Variants in XPO5 observed in about 807,000 individuals in gnomAD.
XPO5 encodes exportin 5.
XPO5 carries 46 observed loss-of-function variants against 160.6 expected under a neutral mutation model. The observed-to-expected ratio is 0.29, with a 90% CI of 0.23 to 0.37. The LOEUF (loss-of-function observed/expected upper bound fraction) is 0.37. Among genes scored for constraint, XPO5 ranks in the 10% least tolerant of loss-of-function variants. The pLI is 1.00. For missense variants in XPO5, 1,090 were observed against 1,463.9 expected, an observed-to-expected ratio of 0.74 and a Z score of 4.17; for synonymous variants, 537 against 519.3, an observed-to-expected ratio of 1.03 and a Z score of -0.46.
At chr6:43,561,049 A>C (rs1251218818) in intron 9 of XPO5, 42 bp from the exon 10 acceptor site, 1 of 1,500,894 alleles carries the variant, frequency 6.7e-7, no homozygotes, top group Admixed American at 1.7e-5. Flanking sequence ...TGATCGAGAA[A>C]AGCAGGAGAG....
At chr6:43,549,772 T>C (rs1795140405) in intron 16 of XPO5, 121 bp downstream of exon 16, 1 of 1,217,254 alleles carries the variant, frequency 8.2e-7, no homozygotes. Flanking sequence ...AAACAACATA[T>C]ATGATAATCT....
intron 13 of XPO5, 25 bp from the exon 14 acceptor site, chr6:43,553,528 C>G: frequency 1.4e-6 from 1 of 695,742 alleles, no homozygotes; most frequent in Non-Finnish European, 2.0e-6. Context: ...CACACACATA[C>G]ACACACACAC....
chr6:43,545,669 T>C (rs569851807), intron 20 of XPO5, among the ~76,000 whole-genome samples: 7 of 151,852 alleles, frequency 4.6e-5, no homozygotes, highest in Admixed American at 1.3e-4. Flanking sequence ...ATTGCACCAC[T>C]GCACTCCCAG....
intron 25 of XPO5, 22 bp from the exon 26 acceptor site, chr6:43,527,753 A>G (rs1793690479): frequency 1.2e-6 from 2 of 1,612,544 alleles, no homozygotes; most frequent in East Asian, 2.2e-5. Context: ...CAGGGGGCCA[A>G]GTTCCACAGG....
intron 8 of XPO5, among the ~76,000 whole-genome samples, chr6:43,563,870 A>G (rs1331020939): frequency 6.6e-6 from 1 of 152,182 alleles, no homozygotes; most frequent in Non-Finnish European, 1.5e-5. Context: ...AGCCTAGGAC[A>G]TTACTGGACC....
Position 43,522,893 on chromosome 6 carries a change from T to A in XPO5, c.*975A>T, listed in dbSNP as rs1793284985. The A allele has an allele frequency of 5.5e-6, 1 of 182,888 alleles. No individual in the cohort carries two copies. The highest frequency in any genetic ancestry group is 1.3e-5 in the Non-Finnish European group (1 of 77,760). 11.3% of individuals were successfully genotyped at this position (182,888 alleles called of 1,614,324 possible). A position where few individuals can be genotyped will look rare whatever the true frequency, so the allele number is the denominator to read the frequency against. ...CTCTAGAATGGACTCACAGTACAGGTTGTGATGTGAAGGCATGTATTCTTT... is the reference window on the plus strand; with the variant it reads ...CTCTAGAATGGACTCACAGTACAGGATGTGATGTGAAGGCATGTATTCTTT... On this transcript the variant is annotated 3_prime_UTR_variant, in exon 32 of 32. Transcript: ENST00000265351.
intron 20 of XPO5, chr6:43,539,361 G>A (rs1794553401): frequency 1.4e-5 from 22 of 1,580,322 alleles, no homozygotes; most frequent in Non-Finnish European, 1.9e-5. Flanking sequence ...GCACGGGTCT[G>A]CTTCTGCACT....
intron 20 of XPO5, chr6:43,538,796 C>T: frequency 3.8e-6 from 3 of 783,688 alleles, no homozygotes; most frequent in Non-Finnish European, 5.8e-6. Context: ...ACGCTTAATT[C>T]ACTTTATTTT....
intron 20 of XPO5, among the ~76,000 whole-genome samples, chr6:43,536,481 AGAT>A (rs1794331705): frequency 6.6e-6 from 1 of 151,636 alleles, no homozygotes; most frequent in African/African-American, 2.4e-5. Flanking sequence ...TACTTTGGCC[AGAT>A]GCGGTGGCTT....
At chr6:43,541,545 A>T (rs1020637967) in intron 20 of XPO5, among the ~76,000 whole-genome samples, 1 of 152,214 alleles carries the variant, frequency 6.6e-6, no homozygotes, top group African/African-American at 2.4e-5. Context: ...ATGGCCCCCA[A>T]AATAACTGCC....
Position 43,523,972 on chromosome 6 carries a change from G to T in XPO5, c.3511C>A (p.His1171Asn). ...PLGEQFRKEV[H>N]IKNLPSLFKK... Reference sequence around the variant, plus strand: ...AAAAGTGAGGGAAGATTCTTAATGTGAACTTCTTTTCGGAACTGCTCTCCC... The same window carrying T: ...AAAAGTGAGGGAAGATTCTTAATGTTAACTTCTTTTCGGAACTGCTCTCCC... The change falls in exon 32 of 32, where the codon CAC (histidine) becomes AAC (asparagine). Residue 1171 changes from histidine to asparagine, a missense_variant. Transcript: ENST00000265351. 6.2e-7 allele frequency: 1 copy of T among 1,613,824 alleles called. No individual in the cohort carries two copies. The highest frequency in any genetic ancestry group is 1.1e-5 in the South Asian group (1 of 91,078).
Position 43,555,822 on chromosome 6 carries a change from T to C in XPO5, c.1441+14A>G, listed in dbSNP as rs533394310. 4.3e-5 allele frequency: 69 copies of C among 1,613,628 alleles called. No individual in the cohort carries two copies. Among genetic ancestry groups the C allele is most frequent in the South Asian group, 3.5e-4 (32 of 91,080 alleles). On this transcript the variant is annotated intron_variant, in intron 13 of 31. Coordinates refer to ENST00000265351, the MANE Select transcript of XPO5 (RefSeq NM_020750.3). ...CTAACATTTCACTAACATTCAGTAA[T>C]GAAAAAAACTTACAATTCACAGAAC...
intron 20 of XPO5, among the ~76,000 whole-genome samples, chr6:43,545,383 T>A (rs1402562866): frequency 6.6e-6 from 1 of 152,098 alleles, no homozygotes; most frequent in Non-Finnish European, 1.5e-5. Flanking sequence ...CAAAAAGTAC[T>A]GAAACAGAGC....
chr6:43,569,683 A>C lies in XPO5; in HGVS notation c.621+819T>G, dbSNP rs185595603. Among the ~76,000 whole-genome samples, 32 of 151,252 alleles carry C rather than the reference A, an allele frequency of 2.1e-4. 1 individual carries two copies. The highest frequency in any genetic ancestry group is 7.5e-4 in the African/African-American group (31 of 41,200). On this transcript the variant is annotated intron_variant, in intron 5 of 31. Transcript: ENST00000265351. ...AGGAGGCGGAGGTTGCAGTGAGCCG[A>C]GATTGTGCCACTGCACTCCAGCATG...
chr6:43,525,143 C>T lies in XPO5; in HGVS notation c.3138G>A (p.Arg1046=). 1.3e-6 allele frequency: 2 copies of T among 1,582,202 alleles called. No homozygotes were observed. Among genetic ancestry groups the T allele is most frequent in the Non-Finnish European group, 1.7e-6 (2 of 1,163,462 alleles). Residue 1046 remains arginine (R), a synonymous_variant, in exon 29 of 32, where the codon AGG becomes AGA. Transcript: ENST00000265351. ...GAGGCCAGCAGAGCTGTGAGGTTGT[C>T]CTCTGGCAGGACAGAGTATCTTTCC... The part of the protein sequence containing the change: ...LAWKDTLSCQ[R]TTSQLCWPLL...
intron 13 of XPO5, among the ~76,000 whole-genome samples, chr6:43,554,702 C>T (rs186509110): frequency 9.3e-4 from 141 of 152,282 alleles, no homozygotes; most frequent in Admixed American, 8.6e-3. Flanking sequence ...GGATTACAGG[C>T]GTGAGCCACC....
Position 43,575,934 on chromosome 6 carries a change from G to C in XPO5, c.-70C>G. 1 of 1,493,102 alleles carries C rather than the reference G, an allele frequency of 6.7e-7. No individual in the cohort carries two copies. Among genetic ancestry groups the C allele is most frequent in the Non-Finnish European group, 9.2e-7 (1 of 1,086,090 alleles). 92.5% of individuals were successfully genotyped at this position (1,493,102 alleles called of 1,614,324 possible). A position where few individuals can be genotyped will look rare whatever the true frequency, so the allele number is the denominator to read the frequency against. On this transcript the variant is annotated 5_prime_UTR_variant, in exon 1 of 32. Transcript: ENST00000265351. ...ACCACGAGGCACGACAGCTCCCTCG[G>C]CGAGACCACCCGTTGGTACCGGGCC...
chr6:43,564,567 A>C (rs1278422538), intron 8 of XPO5, among the ~76,000 whole-genome samples: 2 of 152,170 alleles, frequency 1.3e-5, no homozygotes, highest in Non-Finnish European at 2.9e-5. Context: ...TAATGAATTA[A>C]CTTTAGCTTA....
chr6:43,543,896 C>T (rs1794836987), intron 20 of XPO5, among the ~76,000 whole-genome samples: 1 of 152,060 alleles, frequency 6.6e-6, no homozygotes, highest in Non-Finnish European at 1.5e-5. Flanking sequence ...GGGCTAGTCT[C>T]GAACTGTTGA....
Sources: gnomAD v4.1 joint callset for allele counts (sites outside exome capture counted in the v4.1 genomes callset) on GRCh38, gnomAD v4.1.1 for gene constraint, MANE v1.5 for transcripts, NCBI Gene and HGNC (gene_info 2026-07-23, HGNC 2026-07-21) for gene names.